Variants in MARK4 observed in about 807,000 individuals in gnomAD.
MARK4 encodes the protein MAP/microtubule affinity-regulating kinase 4.
MARK4 carries 19 observed loss-of-function variants against 81.5 expected under a neutral mutation model. The ratio of observed to expected loss-of-function variants is 0.23; its 90% CI spans 0.16 to 0.34. The LOEUF (loss-of-function observed/expected upper bound fraction) is 0.34. MARK4 is among the 10% of genes least tolerant of loss of function. The pLI is 1.00. For synonymous variants in MARK4, 436 were observed against 439.0 expected (o/e 0.99, Z 0.08); for missense variants, 772 against 1,058.8 (o/e 0.73, Z 3.76).
intron 2 of MARK4, among the ~76,000 whole-genome samples, chr19:45,260,034 C>T (rs1970360856): frequency 6.6e-6 from 1 of 150,592 alleles, no homozygotes; most frequent in African/African-American, 2.4e-5. Flanking sequence ...TTTCAGTGAG[C>T]CGAGATCATG....
At chr19:45,256,041 G>A (rs921162864) in intron 1 of MARK4, among the ~76,000 whole-genome samples, 3 of 152,266 alleles carry the variant, frequency 2.0e-5, no homozygotes, top group African/African-American at 7.2e-5. Context: ...GCAAGTCAGG[G>A]CGCTTCTCAA....
In MARK4 at chr19:45,251,351, C is replaced by G; in HGVS notation, c.-238C>G. ...GCCCCCTCCGCGGCCCCCGCCCGCC[C>G]GCCTGCCCGCCGCCCCCATGGCGCC... is the stretch of plus-strand genomic sequence containing the variant. On this transcript the variant is annotated 5_prime_UTR_variant, in exon 1 of 17. Coordinates refer to ENST00000262891, the MANE Select transcript of MARK4 (RefSeq NM_001199867.2). 6.4e-6 allele frequency: 1 copy of G among 156,102 alleles called. No homozygotes were observed. The highest frequency in any genetic ancestry group is 1.8e-4 in the South Asian group (1 of 5,590). 9.7% of individuals were successfully genotyped at this position (156,102 alleles called of 1,614,324 possible). A position where few individuals can be genotyped will look rare whatever the true frequency, so the allele number is the denominator to read the frequency against.
chr19:45,254,759 C>T (rs1182580479), intron 1 of MARK4, among the ~76,000 whole-genome samples: 1 of 152,232 alleles, frequency 6.6e-6, no homozygotes, highest in Admixed American at 6.5e-5. Flanking sequence ...TGTGAATGGA[C>T]TGTGTGACCT....
intron 12 of MARK4, among the ~76,000 whole-genome samples, chr19:45,281,448 C>T (rs1395309076): frequency 6.7e-6 from 1 of 149,866 alleles, no homozygotes; most frequent in East Asian, 2.0e-4. Flanking sequence ...GCAACCTCCA[C>T]CTCTTGGGTT....
rs1970955412 is a variant in MARK4, at chr19:45,300,498, C to A, written c.1922+643C>A. Among the ~76,000 whole-genome samples, 2 of 152,058 alleles carry A rather than the reference C, an allele frequency of 1.3e-5. 1 individual carries two copies. Among genetic ancestry groups the A allele is most frequent in the South Asian group, 4.1e-4 (2 of 4,822 alleles). On this transcript the variant is annotated intron_variant, in intron 16 of 16. Transcript: ENST00000262891. ...AGCAGGAGGCAAACATCTGTACGGA[C>A]CCAGATCATGAAGATTTTAGGCTTT...
Position 45,259,010 on chromosome 19 carries a change from C to A in MARK4, c.73C>A (p.Arg25Ser). The change falls in exon 2 of 17, where the codon CGC becomes AGC. Residue 25 changes from arginine (R) to serine (S), a missense_variant. Coordinates refer to ENST00000262891, the MANE Select transcript of MARK4 (RefSeq NM_001199867.2). ...SDTHGTLGSG[R>S]SSDKGPSWSS... ...CCAGCATGGCACCTTGGGCAGTGGC[C>A]GCTCCTCGGACAAAGGCCCGTCCTG... 2 of 1,612,808 alleles carry A rather than the reference C, an allele frequency of 1.2e-6. No homozygotes were observed. Among genetic ancestry groups the A allele is most frequent in the African/African-American group, 2.7e-5 (2 of 75,018 alleles).
At chr19:45,258,841 G>A (rs893065139) in intron 1 of MARK4, 148 bp from the exon 2 acceptor site, 4 of 809,528 alleles carry the variant, frequency 4.9e-6, no homozygotes, top group African/African-American at 1.7e-5. Flanking sequence ...TTTTTGTAGA[G>A]AAAGATGAAG....
At chr19:45,298,273 T>C (rs1970919896) in intron 15 of MARK4, 1 of 1,575,174 alleles carries the variant, frequency 6.3e-7, no homozygotes, top group African/African-American at 1.3e-5. Context: ...CCTGCCTGCA[T>C]GTCTGACCTG....
intron 1 of MARK4, among the ~76,000 whole-genome samples, chr19:45,256,572 T>C (rs535899060): frequency 6.6e-6 from 1 of 152,236 alleles, no homozygotes; most frequent in East Asian, 1.9e-4. Context: ...ATTTGGGGGC[T>C]GGAGAGGGGA....
rs929578150 is a variant in MARK4 at position 45,303,223 on chromosome 19, C to T, written c.*513C>T. 1 of 164,350 alleles carries T rather than the reference C, an allele frequency of 6.1e-6. No individual in the cohort carries two copies. The highest frequency in any genetic ancestry group is 5.8e-5 in the Admixed American group (1 of 17,274). 10.2% of individuals were successfully genotyped at this position (164,350 alleles called of 1,614,324 possible). ...CACTTTGTACAAATCCTTGTAAATA[C>T]CCCACACCCTCCCCTCTGCAAAGGT... is the stretch of plus-strand genomic sequence containing the variant. On this transcript the variant is annotated 3_prime_UTR_variant, in exon 17 of 17. Coordinates refer to ENST00000262891, the MANE Select transcript of MARK4 (RefSeq NM_001199867.2).
chr19:45,266,926 G>T (rs1970462260), intron 7 of MARK4, among the ~76,000 whole-genome samples: 1 of 151,718 alleles, frequency 6.6e-6, no homozygotes, highest in Non-Finnish European at 1.5e-5. Flanking sequence ...TAGAGACGGG[G>T]TTTCACCGTG....
chr19:45,298,306 G>C (rs1304901957), intron 15 of MARK4: 1 of 1,433,348 alleles, frequency 7.0e-7, no homozygotes, highest in Non-Finnish European at 9.8e-7. Flanking sequence ...TTGGGAGGGG[G>C]CTCTGTGGAT....
intron 12 of MARK4, among the ~76,000 whole-genome samples, chr19:45,281,628 G>C (rs1970676053): frequency 6.6e-6 from 1 of 152,028 alleles, no homozygotes; most frequent in African/African-American, 2.4e-5. Context: ...CAAGGTACTG[G>C]GATTACAGGT....
In MARK4 at chr19:45,259,075, C is replaced by T. The variant is rs570301106; in HGVS notation, c.138C>T (p.Ile46=). 2.3e-5 allele frequency: 37 copies of T among 1,614,100 alleles called. No homozygotes were observed. The highest frequency in any genetic ancestry group is 1.1e-4 in the East Asian group (5 of 44,872). ...TGGGTGCCCGTTGCCGGAACTCCAT[C>T]GCCTCCTGTCCCGAGGAGCAGCCCC... The part of the protein sequence containing the change: ...RSLGARCRNS[I]ASCPEEQPHV... Residue 46 remains isoleucine, a synonymous_variant, in exon 2 of 17, where the codon ATC becomes ATT. Transcript: ENST00000262891.
intron 2 of MARK4, among the ~76,000 whole-genome samples, chr19:45,261,266 A>G (rs1970377010): frequency 6.6e-6 from 1 of 152,218 alleles, no homozygotes; most frequent in Non-Finnish European, 1.5e-5. Flanking sequence ...AAACAAAATT[A>G]CAGGCCAATC....
At position 45,263,249 on chromosome 19, in the gene MARK4, C is replaced by T. The variant is rs368674838; in HGVS notation, c.307-70C>T. 1,574 of 1,613,524 alleles carry T rather than the reference C, an allele frequency of 9.8e-4. 14 individuals carry two copies. In the Admixed American group the frequency reaches 0.014, roughly 14 times the overall value. On this transcript the variant is annotated intron_variant, in intron 3 of 16. Coordinates refer to ENST00000262891, the MANE Select transcript of MARK4 (RefSeq NM_001199867.2). ...CCACCTGACCCTTCCTGCGGGGGCC[C>T]GGCTGGGGAAAGGATCCCCCAAGCC...
rs938649456 is a variant in MARK4 at position 45,286,252 on chromosome 19, T to C, written c.1277-1195T>C. Reference sequence around the variant, plus strand: ...TGTATTTTTAGTAGAGACAGGGTTTTGCCATGTTAGCCAGGCTGGTCTCAA... The same window carrying C: ...TGTATTTTTAGTAGAGACAGGGTTTCGCCATGTTAGCCAGGCTGGTCTCAA... On this transcript the variant is annotated intron_variant, in intron 12 of 16. Transcript: ENST00000262891. Among the ~76,000 whole-genome samples, 11 of 151,890 alleles carry C rather than the reference T, an allele frequency of 7.2e-5. No homozygotes were observed. The East Asian group carries it at 9.8e-4, about 14-fold the overall frequency.
intron 13 of MARK4, chr19:45,288,228 A>G (rs1970772812): frequency 6.6e-6 from 1 of 152,288 alleles, no homozygotes; most frequent in Non-Finnish European, 1.5e-5. Flanking sequence ...ACCCTGTCTC[A>G]ATAAATCAAT....
chr19:45,279,720 A>T (rs1352808070), intron 10 of MARK4, among the ~76,000 whole-genome samples: 1 of 152,164 alleles, frequency 6.6e-6, no homozygotes, highest in Non-Finnish European at 1.5e-5. Context: ...AACTAAAATG[A>T]ATAGAGTATG....
Sources: gnomAD v4.1 joint callset for allele counts (sites outside exome capture counted in the v4.1 genomes callset) on GRCh38, gnomAD v4.1.1 for gene constraint, MANE v1.5 for transcripts, NCBI Gene and HGNC (gene_info 2026-07-23, HGNC 2026-07-21) for gene names.